MTM1: variants seen among roughly 807,000 people sequenced by gnomAD.
The protein encoded by MTM1 is myotubularin.
A neutral mutation model predicts 52.1 loss-of-function variants in MTM1; 9 were observed. That is an observed-to-expected ratio of 0.17 (90% confidence interval 0.10 to 0.30). MTM1 has a LOEUF of 0.30. MTM1 is among the 10% of genes least tolerant of loss of function. MTM1 has a pLI of 1.00. For synonymous variants in MTM1, 136 were observed against 163.8 expected, an observed-to-expected ratio of 0.83 and a Z score of 1.29; for missense variants, 277 against 470.7, an observed-to-expected ratio of 0.59 and a Z score of 3.81.
chrX:150,644,618 C>T (rs1391274216), intron 8 of MTM1, among the ~76,000 whole-genome samples: 3 of 111,530 alleles, frequency 2.7e-5, no homozygotes, highest in East Asian at 2.8e-4. Flanking sequence ...AAGCTTCTTT[C>T]GTTCTTTGTA....
intron 1 of MTM1, among the ~76,000 whole-genome samples, chrX:150,581,256 A>T (rs1284181252): frequency 8.9e-6 from 1 of 111,916 alleles, no homozygotes; most frequent in Non-Finnish European, 1.9e-5. Flanking sequence ...TCAAAAGAAT[A>T]ATTCAAAGAA....
At position 150,651,015 on chromosome X, in the gene MTM1, A is replaced by G. The variant is rs782467950; in HGVS notation, c.1053+1114A>G. Among the ~76,000 whole-genome samples, 5 of 111,274 alleles carry G rather than the reference A, an allele frequency of 4.5e-5. No individual in the cohort carries two copies. The Middle Eastern group carries it at 0.018, about 410-fold the overall frequency. ...TTCCCCCATCCTTCCACTTTCTTCA[A>G]GGACCAGATCAAATCCCACCGAATC... On this transcript the variant is annotated intron_variant, in intron 10 of 14. Transcript: ENST00000370396.
In MTM1 at chrX:150,598,602, T is replaced by A. The variant is rs2148434016; in HGVS notation, c.147T>A (p.Val49=). The change falls in exon 4 of 15, where the codon GTT becomes GTA. Residue 49 remains valine, a synonymous_variant. Transcript: ENST00000370396. ...TTTTTATCTTAATAGACAAAGAAGTTATTTACATATGTCCTTTCAATGGCC... is the reference window on the plus strand; with the variant it reads ...TTTTTATCTTAATAGACAAAGAAGTAATTTACATATGTCCTTTCAATGGCC... ...PGETLITDKE[V]IYICPFNGPI... 1 of 1,176,799 alleles carries A rather than the reference T, an allele frequency of 8.5e-7. No homozygotes were observed.
At chrX:150,643,974 GAAATT>G (rs1557413905) in intron 8 of MTM1, among the ~76,000 whole-genome samples, 1 of 110,793 alleles carries the variant, frequency 9.0e-6, no homozygotes, top group African/African-American at 3.3e-5. Flanking sequence ...CTCCTGCAAA[GAAATT>G]AAGAGGAGAA....
chrX:150,659,316 G>A (rs782612087), intron 11 of MTM1, among the ~76,000 whole-genome samples: 16 of 112,007 alleles, frequency 1.4e-4, no homozygotes, highest in Non-Finnish European at 2.1e-4. Flanking sequence ...AAAGAACTAG[G>A]TTGAGTGTAT....
intron 8 of MTM1, 132 bp from the exon 9 acceptor site, chrX:150,645,551 G>C (rs1203754918): frequency 5.1e-6 from 3 of 593,744 alleles, no homozygotes; most frequent in Non-Finnish European, 8.4e-6. Context: ...GATTGCAAGT[G>C]AACAAGTATT....
At chrX:150,611,313 A>G (rs1198684998) in intron 4 of MTM1, among the ~76,000 whole-genome samples, 1 of 112,223 alleles carries the variant, frequency 8.9e-6, no homozygotes, top group Non-Finnish European at 1.9e-5. Flanking sequence ...GACGCCAGGT[A>G]CTTTAAACTC....
chrX:150,582,840 T>C (rs924167302), intron 1 of MTM1, among the ~76,000 whole-genome samples: 13 of 107,037 alleles, frequency 1.2e-4, no homozygotes, highest in African/African-American at 4.4e-4. Flanking sequence ...ATTTCTGTTC[T>C]TTTAGGCCAT....
At chrX:150,583,181 ATATATATAAAT>A (rs1260814495) in intron 1 of MTM1, among the ~76,000 whole-genome samples, 5 of 75,283 alleles carry the variant, frequency 6.6e-5, no homozygotes, top group East Asian at 4.1e-4. Context: ...TAAATTATAA[ATATATATAAAT>A]TATATATAAA....
At chrX:150,566,134 CTTGT>C (rs1309421548), upstream of MTM1, among the ~76,000 whole-genome samples, 3 of 110,597 alleles carry the variant, frequency 2.7e-5, no homozygotes, top group Admixed American at 9.6e-5. Flanking sequence ...AGTGTACAAC[CTTGT>C]TTGTTTGTTT....
chrX:150,575,672 G>A (rs1557411625), intron 1 of MTM1, among the ~76,000 whole-genome samples: 1 of 111,848 alleles, frequency 8.9e-6, no homozygotes, highest in African/African-American at 3.3e-5. Context: ...TAGGTCTGGG[G>A]TGGGGCCCAA....
At chrX:150,613,532 A>C (rs2148454644) in intron 4 of MTM1, among the ~76,000 whole-genome samples, 1 of 112,236 alleles carries the variant, frequency 8.9e-6, no homozygotes, top group African/African-American at 3.2e-5. Context: ...TAGCGAAATT[A>C]TTGGATCAAA....
intron 10 of MTM1, among the ~76,000 whole-genome samples, chrX:150,657,511 A>G (rs2040140259): frequency 9.2e-6 from 1 of 108,347 alleles, no homozygotes; most frequent in Non-Finnish European, 1.9e-5. Flanking sequence ...AGATATACCT[A>G]ATGCTAAATG....
At chrX:150,581,480 T>C (rs782394417) in intron 1 of MTM1, among the ~76,000 whole-genome samples, 1 of 111,759 alleles carries the variant, frequency 8.9e-6, no homozygotes, top group Admixed American at 9.5e-5. Flanking sequence ...TACAAATAAA[T>C]AGTAGACAAT....
intron 1 of MTM1, among the ~76,000 whole-genome samples, chrX:150,585,080 A>AGT (rs199608226): frequency 0.038 from 4,091 of 108,692 alleles, 93 homozygotes; most frequent in African/African-American, 0.08. Flanking sequence ...AGAGAGAGAG[A>AGT]GAGAGAAAGA....
intron 9 of MTM1, among the ~76,000 whole-genome samples, chrX:150,646,572 T>C (rs1270547845): frequency 8.9e-6 from 1 of 112,643 alleles, no homozygotes; most frequent in African/African-American, 3.2e-5. Context: ...TTTTACGTTC[T>C]ATTTCTCCTT....
intron 1 of MTM1, among the ~76,000 whole-genome samples, chrX:150,589,130 A>C (rs897044824): frequency 9.0e-6 from 1 of 111,603 alleles, no homozygotes; most frequent in East Asian, 2.8e-4. Flanking sequence ...AAGCTGTTCT[A>C]CTGAGATTGG....
chrX:150,638,917 CTTTA>C (rs781886463), intron 6 of MTM1, 22 bp from the exon 7 acceptor site: 10 of 1,085,204 alleles, frequency 9.2e-6, no homozygotes, highest in South Asian at 3.7e-5. Flanking sequence ...TCACGCTGAA[CTTTA>C]TTTATTTTTT....
intron 1 of MTM1, among the ~76,000 whole-genome samples, chrX:150,569,551 C>G (rs1603082317): frequency 9.0e-6 from 1 of 111,567 alleles, no homozygotes; most frequent in African/African-American, 3.3e-5. Context: ...TCATTTGTTT[C>G]CTGGATGGGG....
Sources: gnomAD v4.1 joint callset for allele counts (sites outside exome capture counted in the v4.1 genomes callset) on GRCh38, gnomAD v4.1.1 for gene constraint, MANE v1.5 for transcripts, NCBI Gene and HGNC (gene_info 2026-07-23, HGNC 2026-07-21) for gene names.